Variants in KCNAB1 observed in about 807,000 individuals in gnomAD.
KCNAB1 encodes voltage-gated potassium channel subunit beta-1.
Under a neutral mutation model 64.6 loss-of-function variants are expected in KCNAB1, and 35 were observed. The observed-to-expected ratio is 0.54, with a 90% CI of 0.41 to 0.72. The LOEUF (loss-of-function observed/expected upper bound fraction) is 0.72. KCNAB1 is among the 30% of genes least tolerant of loss of function. KCNAB1 has a pLI of 0.00. For missense variants in KCNAB1, 401 were observed against 512.9 expected, an observed-to-expected ratio of 0.78 and a Z score of 2.11; for synonymous variants, 177 against 183.8, an observed-to-expected ratio of 0.96 and a Z score of 0.30.
chr3:156,388,271 G>T lies in KCNAB1; in HGVS notation c.276-33345G>T, dbSNP rs960915112. On this transcript the variant is annotated intron_variant, in intron 1 of 13. Transcript: ENST00000490337. The stretch of plus-strand genomic sequence containing the variant: ...AAAAATTTGCTTCTGAAATAGGATT[G>T]GAGTGAGGTCTTTAAACAGGAACCA... Among the ~76,000 whole-genome samples the T allele has an allele frequency of 2.6e-5, 4 of 152,286 alleles. No individual in the cohort carries two copies. In the Middle Eastern group the frequency reaches 0.01, roughly 388 times the overall value.
intron 13 of KCNAB1, among the ~76,000 whole-genome samples, chr3:156,534,245 A>G (rs1718895015): frequency 6.6e-6 from 1 of 152,148 alleles, no homozygotes; most frequent in Admixed American, 6.5e-5. Flanking sequence ...TTGTAAGAAA[A>G]TATTTCTAGT....
intron 1 of KCNAB1, among the ~76,000 whole-genome samples, chr3:156,204,488 T>C (rs1446564118): frequency 6.6e-6 from 1 of 152,232 alleles, no homozygotes; most frequent in Non-Finnish European, 1.5e-5. Flanking sequence ...CACTTCCCTC[T>C]GTTTAGAACT....
At chr3:156,313,708 T>C (rs995646036) in intron 1 of KCNAB1, among the ~76,000 whole-genome samples, 1 of 152,232 alleles carries the variant, frequency 6.6e-6, no homozygotes, top group African/African-American at 2.4e-5. Flanking sequence ...AGTTAGGGAT[T>C]CTGCTCTCCA....
intron 1 of KCNAB1, chr3:156,292,023 A>G (rs1458839966): frequency 6.2e-7 from 1 of 1,614,002 alleles, no homozygotes; most frequent in African/African-American, 1.3e-5. Flanking sequence ...GCCCGGGCCA[A>G]ATTCCGCACG....
chr3:156,328,958 A>C (rs1321209922), intron 1 of KCNAB1, among the ~76,000 whole-genome samples: 1 of 152,162 alleles, frequency 6.6e-6, no homozygotes, highest in Non-Finnish European at 1.5e-5. Flanking sequence ...GACATTTGGT[A>C]TCCAAATGGG....
At chr3:156,300,159 T>C (rs1721056066) in intron 1 of KCNAB1, among the ~76,000 whole-genome samples, 1 of 152,184 alleles carries the variant, frequency 6.6e-6, no homozygotes, top group Admixed American at 6.5e-5. Context: ...CCAGCACCTG[T>C]TCATCAGATC....
At chr3:156,194,916 C>T (rs527635629) in intron 1 of KCNAB1, among the ~76,000 whole-genome samples, 44 of 152,218 alleles carry the variant, frequency 2.9e-4, no homozygotes, top group African/African-American at 1.1e-3. Context: ...ACGTATTTGT[C>T]CTAATGCTCT....
rs1363134205 is a variant in KCNAB1, at chr3:156,390,925, A to G, written c.276-30691A>G. Among the ~76,000 whole-genome samples, 6 of 151,150 alleles carry G rather than the reference A, an allele frequency of 4.0e-5. No individual in the cohort carries two copies. The South Asian group carries it at 1.1e-3, about 27-fold the overall frequency. ...TACAGTGATTGAATACACTTTCCCC[A>G]CTCTTCCCAGTTGCGAGTGTTCCCA... On this transcript the variant is annotated intron_variant, in intron 1 of 13. Coordinates refer to ENST00000490337, the MANE Select transcript of KCNAB1 (RefSeq NM_172160.3).
chr3:156,277,062 G>T (rs1049436771), intron 1 of KCNAB1, among the ~76,000 whole-genome samples: 8 of 152,040 alleles, frequency 5.3e-5, no homozygotes, highest in African/African-American at 1.9e-4. Flanking sequence ...TCCTTTCACT[G>T]AGAGGCCATT....
At chr3:156,535,382 T>C (rs1718983950) in intron 13 of KCNAB1, among the ~76,000 whole-genome samples, 1 of 152,138 alleles carries the variant, frequency 6.6e-6, no homozygotes, top group Admixed American at 6.5e-5. Flanking sequence ...CTTTGTCCCT[T>C]GTCTTATGGT....
At chr3:156,181,238 G>T (rs150025428) in intron 1 of KCNAB1, among the ~76,000 whole-genome samples, 1 of 152,156 alleles carries the variant, frequency 6.6e-6, no homozygotes, top group Non-Finnish European at 1.5e-5. Context: ...ACAAAATCCA[G>T]CCCATGACAG....
chr3:156,199,106 G>A (rs915881531), intron 1 of KCNAB1, among the ~76,000 whole-genome samples: 1 of 151,698 alleles, frequency 6.6e-6, no homozygotes, highest in Non-Finnish European at 1.5e-5. Context: ...TGAAATTCTG[G>A]GTTGAAAGTT....
At chr3:156,355,138 A>C (rs1323005279) in intron 1 of KCNAB1, among the ~76,000 whole-genome samples, 3 of 152,266 alleles carry the variant, frequency 2.0e-5, no homozygotes. Context: ...CATGTGTCAC[A>C]CAAATGGATC....
At chr3:156,504,361 C>T (rs565835312) in intron 8 of KCNAB1, among the ~76,000 whole-genome samples, 25 of 152,110 alleles carry the variant, frequency 1.6e-4, no homozygotes, top group Admixed American at 1.3e-3. Context: ...TGAATTGTGC[C>T]GAAATAAACA....
chr3:156,301,023 C>T (rs1721121188), intron 1 of KCNAB1, among the ~76,000 whole-genome samples: 4 of 152,080 alleles, frequency 2.6e-5, no homozygotes, highest in Admixed American at 2.6e-4. Context: ...AGGAGAATGC[C>T]CATGGAGGGG....
At chr3:156,144,667 G>A (rs138021506) in intron 1 of KCNAB1, among the ~76,000 whole-genome samples, 10 of 152,260 alleles carry the variant, frequency 6.6e-5, no homozygotes, top group East Asian at 1.9e-4. Context: ...TCTCTTCTCC[G>A]TGTTTCCTCG....
At chr3:156,361,987 A>G (rs1268422112) in intron 1 of KCNAB1, among the ~76,000 whole-genome samples, 1 of 152,216 alleles carries the variant, frequency 6.6e-6, no homozygotes, top group African/African-American at 2.4e-5. Context: ...TATTCAACAA[A>G]TATTATTAAC....
intron 2 of KCNAB1, among the ~76,000 whole-genome samples, chr3:156,449,170 C>A (rs1448108587): frequency 6.6e-6 from 1 of 151,960 alleles, no homozygotes; most frequent in Admixed American, 6.6e-5. Flanking sequence ...TATTCATATG[C>A]TATTTTATAT....
chr3:156,172,507 T>C (rs2108328257), intron 1 of KCNAB1, among the ~76,000 whole-genome samples: 1 of 152,322 alleles, frequency 6.6e-6, no homozygotes, highest in Middle Eastern at 3.4e-3. Context: ...CTCAAACTCC[T>C]GACCTTAAGC....
Sources: allele counts gnomAD v4.1 joint callset (sites outside exome capture counted in the v4.1 genomes callset), GRCh38; gene constraint gnomAD v4.1.1; transcripts MANE v1.5; gene names NCBI Gene and HGNC (gene_info 2026-07-23, HGNC 2026-07-21).